The following ZMYND12 variants were observed in gnomAD, a reference collection of about 807,000 sequenced individuals.
ZMYND12 encodes the protein zinc finger MYND domain-containing protein 12.
Under a neutral mutation model 41.7 loss-of-function variants are expected in ZMYND12, and 32 were observed. The observed-to-expected ratio is 0.77, with a 90% CI of 0.58 to 1.03. The LOEUF is 1.03. Among genes scored for constraint, ZMYND12 ranks in the 50% least tolerant of loss-of-function variants. The probability of loss-of-function intolerance (pLI) is 0.00; values close to 1 mark genes in which losing one functional copy is unlikely to be tolerated. For missense variants in ZMYND12, 424 were observed against 438.5 expected (o/e 0.97, Z 0.30); for synonymous variants, 148 against 164.8 (o/e 0.90, Z 0.78).
At chr1:42,432,064 T>TTTC (rs1642859227) in intron 7 of ZMYND12, among the ~76,000 whole-genome samples, 1 of 148,720 alleles carries the variant, frequency 6.7e-6, no homozygotes, top group Non-Finnish European at 1.5e-5. Context: ...CTTTTTCTTT[T>TTTC]TTTTTTTTTT....
At chr1:42,451,721 TG>T (rs1643085160) in intron 1 of ZMYND12, among the ~76,000 whole-genome samples, 1 of 152,210 alleles carries the variant, frequency 6.6e-6, no homozygotes, top group Admixed American at 6.5e-5. Context: ...AAAATGTTTT[TG>T]GGGAGGTAGA....
chr1:42,438,120 A>T (rs1484780839), intron 4 of ZMYND12, among the ~76,000 whole-genome samples: 1 of 152,178 alleles, frequency 6.6e-6, no homozygotes, highest in Admixed American at 6.5e-5. Context: ...ACTAATTCTT[A>T]ACTGTGTGGC....
intron 6 of ZMYND12, among the ~76,000 whole-genome samples, chr1:42,433,994 A>G (rs1358592747): frequency 6.6e-6 from 1 of 152,216 alleles, no homozygotes; most frequent in Admixed American, 6.5e-5. Context: ...TTACATAATG[A>G]GAGAAAATTC....
intron 3 of ZMYND12, among the ~76,000 whole-genome samples, chr1:42,446,428 C>T (rs1463103851): frequency 1.3e-5 from 2 of 152,060 alleles, no homozygotes; most frequent in African/African-American, 2.4e-5. Context: ...GAAGCTGAAG[C>T]AGGTGGATCA....
chr1:42,430,595 T>C lies in ZMYND12; in HGVS notation c.*141A>G, dbSNP rs1642836906. 1 of 1,103,034 alleles carries C rather than the reference T, an allele frequency of 9.1e-7. No homozygotes were observed. The highest frequency in any genetic ancestry group is 1.6e-5 in the African/African-American group (1 of 64,328). The allele number at this position is 1,103,034 out of a possible 1,614,324, so 68.3% of individuals were successfully genotyped here. A position where few individuals can be genotyped will look rare whatever the true frequency, so the allele number is the denominator to read the frequency against. On this transcript the variant is annotated 3_prime_UTR_variant, in exon 8 of 8. Transcript: ENST00000372565. Reference sequence around the variant, plus strand: ...CTTAATATGCTGTGTAAGAAAAAAATAACAGCTATGTGTGCAATCCCAGGG... The same window carrying C: ...CTTAATATGCTGTGTAAGAAAAAAACAACAGCTATGTGTGCAATCCCAGGG...
chr1:42,430,943 C>A (rs1186712206), intron 7 of ZMYND12, 85 bp from the exon 8 acceptor site: 3 of 1,564,762 alleles, frequency 1.9e-6, no homozygotes, highest in Non-Finnish European at 2.6e-6. Flanking sequence ...ACTCCAGAAA[C>A]ATGAGAGAGA....
chr1:42,437,599 G>A (rs941934555), intron 4 of ZMYND12, among the ~76,000 whole-genome samples: 8 of 143,032 alleles, frequency 5.6e-5, no homozygotes, highest in Middle Eastern at 3.7e-3. Flanking sequence ...CTGCAACCTC[G>A]CCTCCCGGGT....
chr1:42,434,757 G>T (rs1337118661), intron 6 of ZMYND12, among the ~76,000 whole-genome samples: 1 of 151,350 alleles, frequency 6.6e-6, no homozygotes. Flanking sequence ...ACAAGCTCAG[G>T]GCTCCCACTG....
At chr1:42,434,732 T>C (rs1401070013) in intron 6 of ZMYND12, among the ~76,000 whole-genome samples, 3 of 151,912 alleles carry the variant, frequency 2.0e-5, no homozygotes, top group African/African-American at 4.8e-5. Context: ...GATGGGACCA[T>C]CTAGTTGCAG....
rs143355029 is a variant in ZMYND12, at chr1:42,433,262, G to A, written c.856C>T (p.Arg286Cys). 5.1e-5 allele frequency: 82 copies of A among 1,608,478 alleles called. No homozygotes were observed. The African/African-American group carries it at 9.0e-4, about 18-fold the overall frequency. The part of the protein sequence containing the change: ...LDEAQEAEAI[R>C]ILTSILNIRE... ...ATGTTCAAGATTGAAGTCAGGATGC[G>A]AATGGCTTCTGCTTCTTGGGCTTCA... Residue 286 changes from arginine to cysteine, a missense_variant, in exon 7 of 8, where the codon CGC becomes TGC. Physicochemically the swap from Arg to Cys is radical, Grantham distance 180. Transcript: ENST00000372565.
intron 1 of ZMYND12, among the ~76,000 whole-genome samples, chr1:42,455,499 C>A (rs1176930118): frequency 6.6e-6 from 1 of 152,246 alleles, no homozygotes; most frequent in Non-Finnish European, 1.5e-5. Context: ...GTCTCGAACT[C>A]CTGACCTCAG....
At chr1:42,447,394 G>A (rs1356741370) in intron 3 of ZMYND12, among the ~76,000 whole-genome samples, 2 of 152,286 alleles carry the variant, frequency 1.3e-5, no homozygotes, top group East Asian at 3.9e-4. Context: ...GATCATAAAA[G>A]TCAAGAAAAG....
rs1237512947 is a variant in ZMYND12 at position 42,433,192 on chromosome 1, AC to A, written c.925del (p.Val309PhefsTer2). The part of the protein sequence containing the change: ...SDKAPQKTIF[V>X]LKILVMFYYL... ...GTAAAACATGACCAGGATCTTCAGA[AC>A]AAAGATGGTTTTTTGGGGGGCTTTG... On this transcript the variant is annotated frameshift_variant, in exon 7 of 8. Transcript: ENST00000372565. LOFTEE classifies it low-confidence loss of function (END_TRUNC). 7 of 1,612,604 alleles carry A rather than the reference AC, an allele frequency of 4.3e-6. No individual in the cohort carries two copies. Among genetic ancestry groups the A allele is most frequent in the Non-Finnish European group, 5.9e-6 (7 of 1,179,418 alleles).
chr1:42,445,526 A>G (rs941548462), intron 3 of ZMYND12, among the ~76,000 whole-genome samples: 3 of 151,944 alleles, frequency 2.0e-5, no homozygotes, highest in Non-Finnish European at 2.9e-5. Flanking sequence ...TGAAACCTGA[A>G]AGATGATAAG....
Position 42,440,043 on chromosome 1 carries a change from A to G in ZMYND12, c.425-18T>C. 1 of 1,584,322 alleles carries G rather than the reference A, an allele frequency of 6.3e-7. No homozygotes were observed. Among genetic ancestry groups the G allele is most frequent in the Non-Finnish European group, 8.6e-7 (1 of 1,168,652 alleles). On this transcript the variant is annotated intron_variant, in intron 3 of 7. Transcript: ENST00000372565. ...GCCCAGACCTGCCCAAAAGCAGAAA[A>G]GAAGGTTATAATTCATATCCAGGCC... is the stretch of plus-strand genomic sequence containing the variant.
chr1:42,436,332 A>T, intron 5 of ZMYND12, 89 bp downstream of exon 5: 2 of 1,560,756 alleles, frequency 1.3e-6, no homozygotes, highest in Non-Finnish European at 1.8e-6. Flanking sequence ...CTTTCTCATG[A>T]ATGGTATGTT....
chr1:42,439,735 T>C (rs1276037795), intron 4 of ZMYND12, 121 bp downstream of exon 4: 1 of 1,087,672 alleles, frequency 9.2e-7, no homozygotes, highest in African/African-American at 1.6e-5. Context: ...AATAATCAGT[T>C]GTAAACAGAA....
chr1:42,444,359 T>C (rs1460879660), intron 3 of ZMYND12, among the ~76,000 whole-genome samples: 6 of 152,198 alleles, frequency 3.9e-5, no homozygotes, highest in Admixed American at 1.3e-4. Context: ...CAGTCTGAAG[T>C]AATCTCTAAG....
In ZMYND12 at chr1:42,440,019, C is replaced by T; in HGVS notation, c.431G>A (p.Gly144Asp). ...ATATTCTTCAGCCTGAACGATTCGG[C>T]CCAGACCTGCCCAAAAGCAGAAAAG... The part of the protein sequence containing the change: ...LLLAEASLGL[G>D]RIVQAEEYLF... Residue 144 changes from glycine to aspartate, a missense_variant, in exon 4 of 8, where the codon GGC becomes GAC. By Grantham distance (94) the Gly-to-Asp change is moderately conservative (BLOSUM62 -1). Coordinates refer to ENST00000372565, the MANE Select transcript of ZMYND12 (RefSeq NM_032257.5). The T allele has an allele frequency of 6.3e-7, 1 of 1,593,088 alleles. No individual in the cohort carries two copies. The highest frequency in any genetic ancestry group is 8.5e-7 in the Non-Finnish European group (1 of 1,173,628).
Sources: allele counts gnomAD v4.1 joint callset (sites outside exome capture counted in the v4.1 genomes callset), GRCh38; gene constraint gnomAD v4.1.1; transcripts MANE v1.5; gene names NCBI Gene and HGNC (gene_info 2026-07-23, HGNC 2026-07-21).